Variants in CLCA1 observed in about 807,000 individuals in gnomAD.
The protein encoded by CLCA1 is chloride channel accessory 1.
In CLCA1, 59 loss-of-function variants were observed where a neutral mutation model predicts 85.6. The observed-to-expected ratio is 0.69, with a 90% confidence interval of 0.56 to 0.86. CLCA1 has a LOEUF of 0.86. Among genes scored for constraint, CLCA1 ranks in the 40% least tolerant of loss-of-function variants. CLCA1 has a pLI of 0.00. For missense variants in CLCA1, 1,022 were observed against 1,101.4 expected (o/e 0.93, Z 1.02); for synonymous variants, 396 against 398.3 (o/e 0.99, Z 0.07).
chr1:86,491,366 A>G lies in CLCA1; in HGVS notation c.1459A>G (p.Ile487Val). The change falls in exon 9 of 14, where the codon ATC becomes GTC. Residue 487 changes from isoleucine (I) to valine (V), a missense_variant. Coordinates refer to ENST00000394711, the MANE Select transcript of CLCA1 (RefSeq NM_001285.4). ...AAATGGAGCTGTCTCTCAGCGCTCC[A>G]TCCAGGTTGGAGTTCTTAATCTTTG... ...SGNGAVSQRSIQLESKGLTLQ... is the reference protein window; with the variant it reads ...SGNGAVSQRSVQLESKGLTLQ... 1 of 1,608,514 alleles carries G rather than the reference A, an allele frequency of 6.2e-7. No individual in the cohort carries two copies. Among genetic ancestry groups the G allele is most frequent in the African/African-American group, 1.3e-5 (1 of 74,924 alleles).
intron 7 of CLCA1, among the ~76,000 whole-genome samples, chr1:86,488,164 C>A (rs764328793): frequency 4.6e-5 from 7 of 152,162 alleles, no homozygotes; most frequent in Non-Finnish European, 1.0e-4. Flanking sequence ...TGGAAGATGC[C>A]TTCTTATCTG....
chr1:86,495,674 TG>T lies in CLCA1; in HGVS notation c.2113+1del. ...ALYIPGWIEN[D>X]EIQWNPPRPE... is the part of the protein sequence containing the mutation. ...TGTACATACCTGGCTGGATTGAGAA[TG>T]GTAAGTAATTTGTAATAACATACCT... On this transcript the variant is annotated frameshift_variant and splice_region_variant, in exon 12 of 14. Coordinates refer to ENST00000394711, the MANE Select transcript of CLCA1 (RefSeq NM_001285.4). LOFTEE classifies it high-confidence loss of function. The T allele has an allele frequency of 6.2e-7, 1 of 1,603,924 alleles. No individual in the cohort carries two copies. The highest frequency in any genetic ancestry group is 8.5e-7 in the Non-Finnish European group (1 of 1,174,494).
Position 86,473,857 on chromosome 1 carries a change from A to T in CLCA1, c.432A>T (p.Leu144Phe), listed in dbSNP as rs142747242. 176 of 1,607,046 alleles carry T rather than the reference A, an allele frequency of 1.1e-4. 1 individual carries two copies. The African/African-American group carries it at 2.2e-3, about 20-fold the overall frequency. ...LTPDFIAGKK[L>F]AEYGPQGRAF... ...CTGATTTCATTGCAGGAAAAAAGTT[A>T]GCTGAATATGGACCACAAGGTATGA... The change falls in exon 3 of 14, where the codon TTA (leucine) becomes TTT (phenylalanine). Residue 144 changes from leucine (L) to phenylalanine (F), a missense_variant. By Grantham distance (22) the Leu-to-Phe change is conservative. Coordinates refer to ENST00000394711, the MANE Select transcript of CLCA1 (RefSeq NM_001285.4).
intron 1 of CLCA1, among the ~76,000 whole-genome samples, chr1:86,472,513 G>A (rs1000097483): frequency 1.3e-5 from 2 of 151,920 alleles, no homozygotes; most frequent in Non-Finnish European, 2.9e-5. Flanking sequence ...GCTCACTTTC[G>A]AAGCAAATGG....
intron 5 of CLCA1, among the ~76,000 whole-genome samples, chr1:86,483,512 A>G (rs2101736554): frequency 6.6e-6 from 1 of 152,202 alleles, no homozygotes; most frequent in Middle Eastern, 3.4e-3. Flanking sequence ...TTTCTTTTGT[A>G]TACTATGCCT....
rs746120263 is a variant in CLCA1 at position 86,499,847 on chromosome 1, G to C, written c.2547G>C (p.Lys849Asn). 9 of 1,613,338 alleles carry C rather than the reference G, an allele frequency of 5.6e-6. No homozygotes were observed. The highest frequency in any genetic ancestry group is 5.1e-6 in the Non-Finnish European group (6 of 1,179,420). ...DLFIAIQAVD[K>N]VDLKSEISNI... ...TCATTGCTATTCAGGCTGTTGATAA[G>C]GTCGATCTGAAATCAGAAATATCCA... The change falls in exon 14 of 14, where the codon AAG becomes AAC. Residue 849 changes from lysine to asparagine, a missense_variant. Physicochemically the swap from Lys to Asn is moderately conservative, Grantham distance 94. Transcript: ENST00000394711.
In CLCA1 at chr1:86,499,666, T is replaced by C; in HGVS notation, c.2366T>C (p.Ile789Thr). The change falls in exon 14 of 14, where the codon ATC becomes ACC. Residue 789 changes from isoleucine (I) to threonine (T), a missense_variant. Transcript: ENST00000394711. ...DYDHGTAHKY[I>T]IRISTSILDL... ...TTTTTCTTTTTAGCTCACAAGTATATCATTCGAATAAGTACAAGTATTCTT... is the reference window on the plus strand; with the variant it reads ...TTTTTCTTTTTAGCTCACAAGTATACCATTCGAATAAGTACAAGTATTCTT... 6.3e-7 allele frequency: 1 copy of C among 1,579,616 alleles called. No individual in the cohort carries two copies.
At chr1:86,476,608 T>A in intron 4 of CLCA1, 55 bp downstream of exon 4, 1 of 832,328 alleles carries the variant, frequency 1.2e-6, no homozygotes, top group Admixed American at 2.1e-5. Flanking sequence ...CAACCTTTTT[T>A]TCTTGAATTG....
intron 1 of CLCA1, among the ~76,000 whole-genome samples, chr1:86,473,021 T>G (rs1044141593): frequency 7.9e-5 from 12 of 152,246 alleles, no homozygotes; most frequent in Non-Finnish European, 1.5e-4. Context: ...TACTTGCTTG[T>G]GCGAAGTAAA....
chr1:86,483,603 T>C (rs1424795751), intron 5 of CLCA1, among the ~76,000 whole-genome samples: 1 of 152,170 alleles, frequency 6.6e-6, no homozygotes, highest in African/African-American at 2.4e-5. Flanking sequence ...GGAACCATCA[T>C]TTATTGGCTG....
At chr1:86,471,523 A>C (rs1647498511) in intron 1 of CLCA1, among the ~76,000 whole-genome samples, 1 of 152,214 alleles carries the variant, frequency 6.6e-6, no homozygotes, top group African/African-American at 2.4e-5. Flanking sequence ...GTGGAAGACA[A>C]GAGCATTTCA....
chr1:86,480,286 C>G (rs1647782931), intron 4 of CLCA1, among the ~76,000 whole-genome samples: 1 of 152,094 alleles, frequency 6.6e-6, no homozygotes, highest in East Asian at 1.9e-4. Flanking sequence ...AAAAAGAAAG[C>G]CTTTAGAAGC....
chr1:86,493,231 G>A (rs1415955657), intron 9 of CLCA1, among the ~76,000 whole-genome samples, 153 bp from the exon 10 acceptor site: 1 of 152,184 alleles, frequency 6.6e-6, no homozygotes, highest in Non-Finnish European at 1.5e-5. Flanking sequence ...AGGTAACTTA[G>A]AACTGCATCA....
chr1:86,493,670 G>A (rs1648198603), intron 10 of CLCA1, 71 bp downstream of exon 10: 2 of 1,226,122 alleles, frequency 1.6e-6, no homozygotes, highest in Non-Finnish European at 2.3e-6. Flanking sequence ...AATAATTGTA[G>A]CATTTTAAAT....
intron 7 of CLCA1, among the ~76,000 whole-genome samples, chr1:86,487,575 A>G (rs1374529561): frequency 6.6e-6 from 1 of 152,168 alleles, no homozygotes. Flanking sequence ...TCCCTGCTGC[A>G]GGCCCTGGTC....
chr1:86,494,296 C>T lies in CLCA1; in HGVS notation c.1790C>T (p.Thr597Met), dbSNP rs188716643. The change falls in exon 11 of 14, where the codon ACG (threonine) becomes ATG (methionine). Residue 597 changes from threonine to methionine, a missense_variant. Transcript: ENST00000394711. ...CCTCCAATTACAGTGACTTCCAAAACGAACAAGGACACCAGCAAATTCCCC... is the reference window on the plus strand; with the variant it reads ...CCTCCAATTACAGTGACTTCCAAAATGAACAAGGACACCAGCAAATTCCCC... ...TLPPITVTSK[T>M]NKDTSKFPSP... The T allele has an allele frequency of 1.4e-4, 229 of 1,614,120 alleles. 2 individuals carry two copies. The highest frequency in any genetic ancestry group is 4.9e-4 in the Middle Eastern group (3 of 6,062).
At chr1:86,480,286 C>T (rs1647782931) in intron 4 of CLCA1, among the ~76,000 whole-genome samples, 2 of 151,976 alleles carry the variant, frequency 1.3e-5, no homozygotes, top group South Asian at 4.1e-4. Flanking sequence ...AAAAAGAAAG[C>T]CTTTAGAAGC....
chr1:86,493,287 CT>C (rs1240881924), intron 9 of CLCA1, 96 bp from the exon 10 acceptor site: 47 of 900,468 alleles, frequency 5.2e-5, no homozygotes, highest in Non-Finnish European at 7.7e-5. Context: ...TCACTGAAGT[CT>C]TTTTAATGGC....
chr1:86,498,474 G>A (rs1648359167), intron 12 of CLCA1, 98 bp from the exon 13 acceptor site: 1 of 1,202,956 alleles, frequency 8.3e-7, no homozygotes, highest in African/African-American at 1.5e-5. Flanking sequence ...AGAAGCAGAA[G>A]TGGGGAACAG....
Sources: allele counts gnomAD v4.1 joint callset (sites outside exome capture counted in the v4.1 genomes callset), GRCh38; gene constraint gnomAD v4.1.1; transcripts MANE v1.5; gene names NCBI Gene and HGNC (gene_info 2026-07-23, HGNC 2026-07-21).